NEGR1: variants seen among roughly 807,000 people sequenced by gnomAD.
The protein encoded by NEGR1 is IgLON family member 4.
A neutral mutation model predicts 40.9 loss-of-function variants in NEGR1; 10 were observed. The ratio of observed to expected loss-of-function variants is 0.24; its 90% CI spans 0.15 to 0.42. The LOEUF (loss-of-function observed/expected upper bound fraction) is 0.42, where lower values mean the gene tolerates loss of function less well. Ranked by LOEUF, NEGR1 falls within the 10% of genes least tolerant of loss-of-function variation. NEGR1 has a pLI of 1.00. For synonymous variants in NEGR1, 185 were observed against 166.8 expected, an observed-to-expected ratio of 1.11 and a Z score of -0.84; for missense variants, 352 against 438.9, an observed-to-expected ratio of 0.80 and a Z score of 1.77.
At chr1:71,779,363 C>T (rs1308614823) in intron 2 of NEGR1, among the ~76,000 whole-genome samples, 3 of 151,972 alleles carry the variant, frequency 2.0e-5, no homozygotes, top group East Asian at 1.9e-4. Context: ...AAGACAGAAG[C>T]GGATAGGTAA....
At chr1:71,848,699 A>G (rs1180202370) in intron 2 of NEGR1, among the ~76,000 whole-genome samples, 1 of 152,232 alleles carries the variant, frequency 6.6e-6, no homozygotes, top group African/African-American at 2.4e-5. Flanking sequence ...ATACACAAGG[A>G]GATTAATGTT....
At chr1:71,797,862 C>T (rs1365176956) in intron 2 of NEGR1, among the ~76,000 whole-genome samples, 1 of 151,756 alleles carries the variant, frequency 6.6e-6, no homozygotes. Flanking sequence ...TCTATTTGTG[C>T]AGATCATTTT....
intron 1 of NEGR1, among the ~76,000 whole-genome samples, chr1:72,070,647 C>G (rs1028185042): frequency 6.6e-6 from 1 of 151,934 alleles, no homozygotes; most frequent in Admixed American, 6.6e-5. Context: ...AAAACCCAGA[C>G]TAACGCCATG....
chr1:71,601,381 T>C (rs1649914366), intron 5 of NEGR1, among the ~76,000 whole-genome samples: 2 of 152,222 alleles, frequency 1.3e-5, no homozygotes, highest in Non-Finnish European at 2.9e-5. Flanking sequence ...AAATGCAAAT[T>C]AGTTCAGCTT....
At chr1:71,820,627 A>G (rs1463885637) in intron 2 of NEGR1, among the ~76,000 whole-genome samples, 1 of 151,924 alleles carries the variant, frequency 6.6e-6, no homozygotes, top group Non-Finnish European at 1.5e-5. Context: ...AGTATCTACT[A>G]ATGGTCATCT....
At chr1:71,739,696 C>T (rs568864569) in intron 3 of NEGR1, among the ~76,000 whole-genome samples, 64 of 152,130 alleles carry the variant, frequency 4.2e-4, no homozygotes, top group African/African-American at 1.5e-3. Flanking sequence ...TTCACTCAAG[C>T]AATAAAAAGT....
At chr1:71,552,736 T>G (rs1438080220) in intron 6 of NEGR1, among the ~76,000 whole-genome samples, 4 of 151,286 alleles carry the variant, frequency 2.6e-5, no homozygotes, top group Non-Finnish European at 4.4e-5. Flanking sequence ...TCTCTTTCCC[T>G]TATTGCACTA....
At chr1:71,848,987 G>A (rs1047232914) in intron 2 of NEGR1, among the ~76,000 whole-genome samples, 6 of 152,192 alleles carry the variant, frequency 3.9e-5, no homozygotes, top group Admixed American at 6.5e-5. Flanking sequence ...CTACGCAGGC[G>A]GCTGAGGCAG....
chr1:71,945,936 T>C (rs1646014304), intron 1 of NEGR1, among the ~76,000 whole-genome samples: 1 of 152,220 alleles, frequency 6.6e-6, no homozygotes, highest in Non-Finnish European at 1.5e-5. Flanking sequence ...TATAGGTTAA[T>C]GCTCTTCATA....
At chr1:72,201,493 C>T (rs1315391917) in intron 1 of NEGR1, among the ~76,000 whole-genome samples, 1 of 151,668 alleles carries the variant, frequency 6.6e-6, no homozygotes, top group African/African-American at 2.4e-5. Context: ...AAATTACATG[C>T]TTGTACTCTT....
At chr1:72,268,513 T>C (rs1044789375) in intron 1 of NEGR1, among the ~76,000 whole-genome samples, 1 of 151,464 alleles carries the variant, frequency 6.6e-6, no homozygotes, top group African/African-American at 2.4e-5. Flanking sequence ...TTATCTCTTA[T>C]CATCATTGGA....
At chr1:71,912,370 G>A (rs572927323) in intron 2 of NEGR1, among the ~76,000 whole-genome samples, 16 of 151,922 alleles carry the variant, frequency 1.1e-4, no homozygotes, top group Non-Finnish European at 1.8e-4. Context: ...AATAACCCTC[G>A]TTATTACACT....
chr1:71,735,222 C>A (rs74088596), intron 3 of NEGR1, among the ~76,000 whole-genome samples: 2,975 of 152,220 alleles, frequency 0.02, 74 homozygotes, highest in African/African-American at 0.067. Context: ...TCTTTCAAGA[C>A]ACACTTAAAA....
intron 6 of NEGR1, among the ~76,000 whole-genome samples, chr1:71,585,241 C>CATACT (rs1236088438): frequency 6.6e-6 from 1 of 152,088 alleles, no homozygotes; most frequent in African/African-American, 2.4e-5. Context: ...TCAATCAATA[C>CATACT]ATACTATCTT....
chr1:71,575,436 G>C (rs370806308), intron 6 of NEGR1, among the ~76,000 whole-genome samples: 122 of 152,302 alleles, frequency 8.0e-4, no homozygotes, highest in African/African-American at 2.8e-3. Flanking sequence ...AGAAAACAAA[G>C]AGGATAGTAA....
intron 4 of NEGR1, among the ~76,000 whole-genome samples, chr1:71,643,240 C>T (rs1245345485): frequency 6.6e-6 from 1 of 151,958 alleles, no homozygotes; most frequent in Admixed American, 6.6e-5. Flanking sequence ...GGCTTGTCAA[C>T]ATATCTACAG....
At chr1:71,915,373 T>C (rs1218424835) in intron 2 of NEGR1, among the ~76,000 whole-genome samples, 1 of 152,128 alleles carries the variant, frequency 6.6e-6, no homozygotes, top group Non-Finnish European at 1.5e-5. Context: ...GTTTGACACA[T>C]CTATTGAATA....
chr1:71,478,063 T>C (rs1200951288), intron 6 of NEGR1, among the ~76,000 whole-genome samples: 5 of 152,066 alleles, frequency 3.3e-5, no homozygotes, highest in Non-Finnish European at 5.9e-5. Context: ...TGAATGTATA[T>C]CTTTTTCCCA....
intron 2 of NEGR1, among the ~76,000 whole-genome samples, chr1:71,849,619 C>A (rs1659536890): frequency 6.6e-6 from 1 of 152,066 alleles, no homozygotes; most frequent in Non-Finnish European, 1.5e-5. Context: ...AAAATGCTAT[C>A]AAATAGCATT....
Sources: gnomAD v4.1 joint callset for allele counts (sites outside exome capture counted in the v4.1 genomes callset) on GRCh38, gnomAD v4.1.1 for gene constraint, MANE v1.5 for transcripts, NCBI Gene and HGNC (gene_info 2026-07-23, HGNC 2026-07-21) for gene names.